Variants in VGLL4 observed in about 807,000 individuals in gnomAD.
The protein encoded by VGLL4 is vestigial like family member 4, also known as transcription cofactor vestigial-like protein 4.
In VGLL4, 7 loss-of-function variants were observed where a neutral mutation model predicts 21.0. The observed-to-expected ratio is 0.33, with a 90% CI of 0.19 to 0.63. VGLL4 has a LOEUF of 0.63. VGLL4 is among the 20% of genes least tolerant of loss of function. The probability of loss-of-function intolerance (pLI) is 0.78; values close to 1 mark genes in which losing one functional copy is unlikely to be tolerated. For missense variants in VGLL4, 394 were observed against 425.7 expected, an observed-to-expected ratio of 0.93 and a Z score of 0.66; for synonymous variants, 222 against 173.2, an observed-to-expected ratio of 1.28 and a Z score of -2.21.
In VGLL4 at chr3:11,638,339, CA is replaced by C. The variant is rs376365985; in HGVS notation, c.82+5097del. On this transcript the variant is annotated intron_variant, in intron 1 of 4. Transcript: ENST00000430365. ...GTGTAGGCTCCAAGAGATAAACAGC[CA>C]AGTACAATAATCTTTCGAGAAGCGG... Among the ~76,000 whole-genome samples the C allele has an allele frequency of 2.2e-4, 34 of 152,262 alleles. No individual in the cohort carries two copies. The South Asian group carries it at 6.8e-3, about 31-fold the overall frequency.
intron 2 of VGLL4, among the ~76,000 whole-genome samples, chr3:11,659,953 G>T (rs949398228): frequency 1.3e-5 from 2 of 152,080 alleles, no homozygotes; most frequent in Non-Finnish European, 2.9e-5. Context: ...ATGAGGTCAG[G>T]AGATTGAGAC....
intron 1 of VGLL4, among the ~76,000 whole-genome samples, chr3:11,608,027 T>C (rs758273479): frequency 1.3e-5 from 2 of 152,198 alleles, no homozygotes; most frequent in Non-Finnish European, 2.9e-5. Context: ...CAAAAGCACA[T>C]ACACCAAAAG....
At chr3:11,624,222 T>C (rs947397507) in intron 1 of VGLL4, among the ~76,000 whole-genome samples, 5 of 152,188 alleles carry the variant, frequency 3.3e-5, no homozygotes, top group African/African-American at 9.6e-5. Flanking sequence ...CGATATGTCA[T>C]TTTAGCGTGC....
chr3:11,633,941 C>T (rs1442231793), intron 1 of VGLL4, among the ~76,000 whole-genome samples: 2 of 152,076 alleles, frequency 1.3e-5, no homozygotes, highest in African/African-American at 4.8e-5. Context: ...AGATTAGAGG[C>T]AGGGAGCAGT....
chr3:11,636,962 T>C (rs1438753548), intron 1 of VGLL4, among the ~76,000 whole-genome samples: 1 of 151,084 alleles, frequency 6.6e-6, no homozygotes, highest in Non-Finnish European at 1.5e-5. Context: ...TGGCTTCACA[T>C]GGAGAAAACA....
chr3:11,703,948 A>G (rs1337808913), intron 1 of VGLL4, among the ~76,000 whole-genome samples: 2 of 152,248 alleles, frequency 1.3e-5, no homozygotes, highest in Admixed American at 1.3e-4. Context: ...CAGGCCTCCA[A>G]AGAAACACTG....
At chr3:11,659,955 G>T (rs2076015131) in intron 2 of VGLL4, among the ~76,000 whole-genome samples, 1 of 152,248 alleles carries the variant, frequency 6.6e-6, no homozygotes, top group East Asian at 2.0e-4. Context: ...GAGGTCAGGA[G>T]ATTGAGACAT....
chr3:11,599,243 CTT>C (rs1209137780), intron 2 of VGLL4, among the ~76,000 whole-genome samples: 1 of 152,026 alleles, frequency 6.6e-6, no homozygotes, highest in African/African-American at 2.4e-5. Context: ...GCCTTTCCTC[CTT>C]ACACTGTACA....
intron 2 of VGLL4, among the ~76,000 whole-genome samples, chr3:11,589,718 T>C (rs1451713313): frequency 6.6e-6 from 1 of 152,224 alleles, no homozygotes; most frequent in Non-Finnish European, 1.5e-5. Context: ...GACGCCAGCA[T>C]GGTTGGTGAC....
chr3:11,615,053 A>G (rs1049868420), intron 1 of VGLL4, among the ~76,000 whole-genome samples: 20 of 152,216 alleles, frequency 1.3e-4, no homozygotes, highest in African/African-American at 4.6e-4. Context: ...GAAAGTATTA[A>G]TAAGTGGGAG....
chr3:11,646,336 G>A (rs944504911), upstream of VGLL4, among the ~76,000 whole-genome samples: 26 of 152,130 alleles, frequency 1.7e-4, no homozygotes, highest in African/African-American at 6.0e-4. Context: ...ACTGTGCTAC[G>A]TTTTTACATA....
chr3:11,626,185 T>C (rs1207195713), intron 1 of VGLL4, among the ~76,000 whole-genome samples: 1 of 152,206 alleles, frequency 6.6e-6, no homozygotes, highest in Non-Finnish European at 1.5e-5. Flanking sequence ...CAATGAGCCC[T>C]GGGCATTGCA....
Position 11,604,866 on chromosome 3 carries a change from T to C in VGLL4, c.83-2844A>G. 1.4e-5 allele frequency among the ~76,000 whole-genome samples: 2 copies of C among 144,250 alleles called. 1 individual carries two copies. The highest frequency in any genetic ancestry group is 3.0e-5 in the Non-Finnish European group (2 of 65,742). The allele number at this position is 144,250 out of a possible 152,430, so 94.6% of individuals were successfully genotyped here. Reference sequence around the variant, plus strand: ...TGAACTAAGACAGCAAAACTCAAGGTATGTACCTCAGATGTTATTCATCGA... The same window carrying C: ...TGAACTAAGACAGCAAAACTCAAGGCATGTACCTCAGATGTTATTCATCGA... On this transcript the variant is annotated intron_variant, in intron 1 of 4. Transcript: ENST00000430365.
intron 1 of VGLL4, chr3:11,607,298 A>G (rs557845197): frequency 6.6e-6 from 1 of 152,322 alleles, no homozygotes; most frequent in East Asian, 1.9e-4. Flanking sequence ...TGAACCTACA[A>G]AACAGTATGC....
chr3:11,704,953 A>C (rs2076738082), intron 1 of VGLL4, among the ~76,000 whole-genome samples: 1 of 152,238 alleles, frequency 6.6e-6, no homozygotes, highest in Non-Finnish European at 1.5e-5. Flanking sequence ...GAACGAATAT[A>C]AAAGTTCCTC....
intron 2 of VGLL4, among the ~76,000 whole-genome samples, chr3:11,571,968 G>A (rs113257428): frequency 5.9e-5 from 9 of 152,314 alleles, no homozygotes; most frequent in East Asian, 1.9e-4. Context: ...TTATCTGGGC[G>A]TGGTGTCACG....
chr3:11,719,822 G>A lies in VGLL4; in HGVS notation c.-14+572C>T, dbSNP rs981114457. Among the ~76,000 whole-genome samples the A allele has an allele frequency of 5.3e-5, 8 of 152,158 alleles. No homozygotes were observed. Among genetic ancestry groups the A allele is most frequent in the Admixed American group, 1.3e-4 (2 of 15,296 alleles). ...CCCGCCAGCTGCGCGCCCGGTGCCA[G>A]CTCGCACCTCCCGGGCCGATGCCGG... On this transcript the variant is annotated intron_variant, in intron 1 of 5. Coordinates refer to the VGLL4 transcript ENST00000273038. The surrounding 1 kb of genome is among the most constrained non-coding windows in gnomAD (Gnocchi z 4.0).
intron 1 of VGLL4, among the ~76,000 whole-genome samples, chr3:11,618,397 A>G (rs2075205015): frequency 6.6e-6 from 1 of 152,326 alleles, no homozygotes; most frequent in Non-Finnish European, 1.5e-5. Context: ...AGAAAGTATT[A>G]AAATATTTAT....
chr3:11,706,945 A>C (rs1157362601), intron 1 of VGLL4, among the ~76,000 whole-genome samples: 1 of 152,078 alleles, frequency 6.6e-6, no homozygotes. Flanking sequence ...TTGATACTTA[A>C]TGTCACAGGC....
Sources: allele counts gnomAD v4.1 joint callset (sites outside exome capture counted in the v4.1 genomes callset), GRCh38; gene constraint gnomAD v4.1.1; non-coding constraint Gnocchi (gnomAD v3.1); transcripts MANE v1.5; gene names NCBI Gene and HGNC (gene_info 2026-07-23, HGNC 2026-07-21).